KLF8: variants seen among roughly 807,000 people sequenced by gnomAD.
The protein encoded by KLF8 is KLF transcription factor 8.
In KLF8, 10 loss-of-function variants were observed where a neutral mutation model predicts 18.2. The observed-to-expected ratio is 0.55, with a 90% CI of 0.34 to 0.93. The LOEUF is 0.93. Among genes scored for constraint, KLF8 ranks in the 40% least tolerant of loss-of-function variants. The pLI, the probability that KLF8 is intolerant of heterozygous loss-of-function variation, is 0.02. For missense variants in KLF8, 264 were observed against 277.9 expected, an observed-to-expected ratio of 0.95 and a Z score of 0.36; for synonymous variants, 109 against 97.3, an observed-to-expected ratio of 1.12 and a Z score of -0.71.
At chrX:55,993,661 A>T in the KLF8 span, among the ~76,000 whole-genome samples, 12 of 111,914 alleles carry the variant, frequency 1.1e-4, no homozygotes, top group African/African-American at 3.9e-4. Flanking sequence ...TTTGTGGAAT[A>T]GTTTCTGATA....
the KLF8 span, among the ~76,000 whole-genome samples, chrX:56,176,758 G>C: frequency 4.5e-5 from 5 of 111,495 alleles, no homozygotes; most frequent in African/African-American, 1.6e-4. Context: ...CGTAGATTTG[G>C]TCTTTTCACA....
chrX:56,254,720 A>G (rs2147620209), intron 2 of KLF8, among the ~76,000 whole-genome samples: 1 of 111,143 alleles, frequency 9.0e-6, no homozygotes, highest in African/African-American at 3.3e-5. Flanking sequence ...TCCTCTCCAA[A>G]GCTATGCCAT....
the KLF8 span, among the ~76,000 whole-genome samples, chrX:55,963,361 G>T: frequency 9.0e-6 from 1 of 111,443 alleles, no homozygotes; most frequent in African/African-American, 3.3e-5. Context: ...GAATGTAGTT[G>T]TGCAGTCACT....
At chrX:56,039,617 T>C in the KLF8 span, among the ~76,000 whole-genome samples, 1 of 111,996 alleles carries the variant, frequency 8.9e-6, no homozygotes, top group Non-Finnish European at 1.9e-5. Flanking sequence ...TATCATGCTG[T>C]TTTGATTACA....
At chrX:56,237,936 G>A (rs2066497771) in intron 1 of KLF8, among the ~76,000 whole-genome samples, 1 of 111,563 alleles carries the variant, frequency 9.0e-6, no homozygotes. Flanking sequence ...TCTCTGGTGT[G>A]TCTTCTTAGA....
At chrX:56,177,269 G>A in the KLF8 span, among the ~76,000 whole-genome samples, 5 of 111,017 alleles carry the variant, frequency 4.5e-5, no homozygotes, top group East Asian at 1.4e-3. Context: ...GTGACTTACA[G>A]ATGGGGTTTT....
chrX:55,936,762 T>C, the KLF8 span, among the ~76,000 whole-genome samples: 1 of 110,847 alleles, frequency 9.0e-6, no homozygotes, highest in Non-Finnish European at 1.9e-5. Flanking sequence ...CCTACGCCCA[T>C]GGATCCTGGC....
At chrX:56,144,747 T>C in the KLF8 span, among the ~76,000 whole-genome samples, 1 of 90,757 alleles carries the variant, frequency 1.1e-5, no homozygotes, top group Non-Finnish European at 2.1e-5. Flanking sequence ...AGCAAGACTC[T>C]GTCTCACACA....
chrX:56,141,830 A>G, the KLF8 span, among the ~76,000 whole-genome samples: 1 of 111,936 alleles, frequency 8.9e-6, no homozygotes, highest in Non-Finnish European at 1.9e-5. Flanking sequence ...CAAATGACCA[A>G]AGGTCTCACT....
At chrX:56,053,233 C>T in the KLF8 span, among the ~76,000 whole-genome samples, 16 of 112,326 alleles carry the variant, frequency 1.4e-4, no homozygotes, top group Non-Finnish European at 2.6e-4. Flanking sequence ...TCCTCTGCGT[C>T]GCTCACGCTG....
chrX:56,056,691 C>T, the KLF8 span, among the ~76,000 whole-genome samples: 9 of 96,832 alleles, frequency 9.3e-5, no homozygotes, highest in Non-Finnish European at 1.8e-4. Context: ...GGAGATATAC[C>T]TAATGCTAGA....
the KLF8 span, among the ~76,000 whole-genome samples, chrX:56,084,005 TG>T: frequency 8.9e-6 from 1 of 111,757 alleles, no homozygotes; most frequent in South Asian, 3.7e-4. Flanking sequence ...TTTGATCAGT[TG>T]ATCTTTAAAA....
chrX:56,106,347 G>C, the KLF8 span, among the ~76,000 whole-genome samples: 1 of 111,902 alleles, frequency 8.9e-6, no homozygotes, highest in Non-Finnish European at 1.9e-5. Context: ...TCACTTTCAG[G>C]TACACCAATC....
In KLF8 at chrX:56,288,324, G is replaced by A. The variant is rs995378412; in HGVS notation, c.*3830G>A. ...ATATCTCCTTAGGATCCTTTTGATTGTGACAGTTTCTCAGACTTTCCTTGT... is the reference window on the plus strand; with the variant it reads ...ATATCTCCTTAGGATCCTTTTGATTATGACAGTTTCTCAGACTTTCCTTGT... On this transcript the variant is annotated 3_prime_UTR_variant, in exon 6 of 6. Transcript: ENST00000468660. 1.2e-4 allele frequency among the ~76,000 whole-genome samples: 13 copies of A among 111,113 alleles called. No individual in the cohort carries two copies. In the East Asian group the frequency reaches 1.4e-3, roughly 12 times the overall value.
the KLF8 span, among the ~76,000 whole-genome samples, chrX:56,031,193 A>G: frequency 6.3e-5 from 7 of 111,642 alleles, no homozygotes; most frequent in Non-Finnish European, 1.3e-4. Context: ...TGTTTTCTCA[A>G]GACAAAATAT....
the KLF8 span, among the ~76,000 whole-genome samples, chrX:56,133,266 A>T: frequency 8.9e-6 from 1 of 112,169 alleles, no homozygotes; most frequent in Non-Finnish European, 1.9e-5. Flanking sequence ...AATATCCTTA[A>T]CAAAATACTA....
At chrX:55,928,900 C>T in the KLF8 span, among the ~76,000 whole-genome samples, 1 of 112,115 alleles carries the variant, frequency 8.9e-6, no homozygotes, top group African/African-American at 3.2e-5. Context: ...AAGGTGATTG[C>T]TGGGTCTAAT....
chrX:56,070,675 G>T, the KLF8 span, among the ~76,000 whole-genome samples: 3 of 110,483 alleles, frequency 2.7e-5, 1 homozygote, highest in African/African-American at 6.6e-5. Flanking sequence ...GGGGGCAAGG[G>T]GAAGAAACTT....
At chrX:56,210,534 C>A in the KLF8 span, among the ~76,000 whole-genome samples, 2 of 110,728 alleles carry the variant, frequency 1.8e-5, no homozygotes, top group African/African-American at 6.6e-5. Context: ...TGAGTTAAAT[C>A]TGCTTGGTGT....
Sources: gnomAD v4.1 joint callset for allele counts (sites outside exome capture counted in the v4.1 genomes callset) on GRCh38, gnomAD v4.1.1 for gene constraint, MANE v1.5 for transcripts, NCBI Gene and HGNC (gene_info 2026-07-23, HGNC 2026-07-21) for gene names.